Variants in MYO3A observed in about 807,000 individuals in gnomAD.
The protein encoded by MYO3A is myosin-IIIa.
Under a neutral mutation model 192.7 loss-of-function variants are expected in MYO3A, and 180 were observed. That is an observed-to-expected ratio of 0.93 (90% CI 0.83 to 1.06). The LOEUF is 1.06. Ranked by LOEUF, MYO3A falls within the 50% of genes least tolerant of loss-of-function variation. The pLI is 0.00. For synonymous variants in MYO3A, 628 were observed against 645.3 expected, an observed-to-expected ratio of 0.97 and a Z score of 0.41; for missense variants, 1,896 against 1,905.0, an observed-to-expected ratio of 1.00 and a Z score of 0.09.
At chr10:25,984,868 C>T (rs2130817332) in intron 4 of MYO3A, among the ~76,000 whole-genome samples, 1 of 152,280 alleles carries the variant, frequency 6.6e-6, no homozygotes, top group Non-Finnish European at 1.5e-5. Flanking sequence ...AATAGTGACA[C>T]AACCTATCAA....
At chr10:26,055,275 C>A (rs184779242) in intron 10 of MYO3A, among the ~76,000 whole-genome samples, 58 of 152,300 alleles carry the variant, frequency 3.8e-4, no homozygotes, top group African/African-American at 1.3e-3. Flanking sequence ...TATCCAGTTT[C>A]TGCTCCAGCA....
rs186228775 is a variant in MYO3A, at chr10:25,960,897, G to A, written c.303+5889G>A. On this transcript the variant is annotated intron_variant, in intron 4 of 34. Coordinates refer to ENST00000642920, the MANE Select transcript of MYO3A (RefSeq NM_017433.5). ...TTTTTTATTTCTCTAGTTTGAGATA[G>A]GTTTGTATTTTTAGCAAAATCACAT... 4.1e-3 allele frequency among the ~76,000 whole-genome samples: 621 copies of A among 152,166 alleles called. 5 individuals are homozygous for A. The highest frequency in any genetic ancestry group is 0.014 in the African/African-American group (585 of 41,526).
chr10:26,098,220 G>A (rs192795559), intron 17 of MYO3A, among the ~76,000 whole-genome samples: 85 of 152,286 alleles, frequency 5.6e-4, no homozygotes, highest in African/African-American at 1.9e-3. Flanking sequence ...GTCTTGAGAA[G>A]TGTCTGTTCA....
intron 31 of MYO3A, among the ~76,000 whole-genome samples, chr10:26,192,748 G>A (rs1478268883): frequency 6.7e-6 from 1 of 149,594 alleles, no homozygotes; most frequent in Non-Finnish European, 1.5e-5. Flanking sequence ...CTGCCTCCCA[G>A]GTTCAAGCAA....
chr10:25,992,851 A>G (rs1231038405), intron 4 of MYO3A, among the ~76,000 whole-genome samples: 1 of 152,192 alleles, frequency 6.6e-6, no homozygotes, highest in Non-Finnish European at 1.5e-5. Flanking sequence ...CATCCCAGGG[A>G]TGAAGCCCAC....
At chr10:26,089,515 G>T (rs1047561533) in intron 15 of MYO3A, among the ~76,000 whole-genome samples, 4 of 151,842 alleles carry the variant, frequency 2.6e-5, no homozygotes, top group Non-Finnish European at 4.4e-5. Context: ...GGAGGAGAAT[G>T]GCGTGAACCC....
At chr10:26,170,342 C>T in intron 28 of MYO3A, 74 bp from the exon 29 acceptor site, 1 of 1,528,718 alleles carries the variant, frequency 6.5e-7, no homozygotes, top group South Asian at 1.2e-5. Context: ...GTCAAAGCCA[C>T]CATTTCTACT....
At chr10:26,154,685 G>C (rs2131914837) in intron 24 of MYO3A, 61 bp from the exon 25 acceptor site, 1 of 1,472,408 alleles carries the variant, frequency 6.8e-7, no homozygotes, top group Non-Finnish European at 9.5e-7. Context: ...GCCACATGCT[G>C]TCTGTAGATA....
At chr10:26,035,693 GTAACTCAAGTA>G (rs1842993619) in intron 10 of MYO3A, among the ~76,000 whole-genome samples, 1 of 152,188 alleles carries the variant, frequency 6.6e-6, no homozygotes, top group Non-Finnish European at 1.5e-5. Flanking sequence ...CAACAAAGCT[GTAACTCAAGTA>G]TAATGATTTT....
intron 2 of MYO3A, among the ~76,000 whole-genome samples, chr10:25,945,002 C>T (rs1836747776): frequency 6.6e-6 from 1 of 151,724 alleles, no homozygotes; most frequent in Admixed American, 6.6e-5. Context: ...ATTTTTCTTC[C>T]TTTTTAAATT....
intron 17 of MYO3A, among the ~76,000 whole-genome samples, chr10:26,114,530 A>G (rs983695446): frequency 2.6e-5 from 4 of 152,220 alleles, no homozygotes; most frequent in African/African-American, 7.2e-5. Flanking sequence ...CATAAACTCT[A>G]ACCACTCACT....
intron 25 of MYO3A, among the ~76,000 whole-genome samples, chr10:26,156,906 T>C: frequency 6.6e-6 from 1 of 152,182 alleles, no homozygotes; most frequent in Admixed American, 6.5e-5. Flanking sequence ...TTACCATCTA[T>C]AAAGAGAGAG....
intron 2 of MYO3A, among the ~76,000 whole-genome samples, chr10:25,946,601 C>T (rs961587069): frequency 1.3e-5 from 2 of 151,316 alleles, no homozygotes; most frequent in Non-Finnish European, 2.9e-5. Context: ...CCTTGCAGGC[C>T]AGTTGTGGTG....
chr10:26,125,422 C>T lies in MYO3A; in HGVS notation c.1928C>T (p.Ala643Val). The T allele has an allele frequency of 6.2e-7, 1 of 1,614,014 alleles. No individual in the cohort carries two copies. Among genetic ancestry groups the T allele is most frequent in the South Asian group, 1.1e-5 (1 of 91,086 alleles). Residue 643 changes from alanine to valine, a missense_variant, in exon 19 of 35, where the codon GCA (alanine) becomes GTA (valine). Coordinates refer to ENST00000642920, the MANE Select transcript of MYO3A (RefSeq NM_017433.5). ...GGTGCTTCTTTGCTTTGCATTCGGG[C>T]AGATGAGCTACAAGAAGCTCTCACC... ...ENCASLLCIR[A>V]DELQEALTSH...
chr10:26,109,486 A>G (rs1754397365), intron 17 of MYO3A, among the ~76,000 whole-genome samples: 1 of 152,210 alleles, frequency 6.6e-6, no homozygotes, highest in South Asian at 2.1e-4. Flanking sequence ...TGTATAGGCT[A>G]CCTGCCCCTT....
chr10:26,152,747 G>C (rs1840868000), intron 23 of MYO3A, among the ~76,000 whole-genome samples: 1 of 152,180 alleles, frequency 6.6e-6, no homozygotes, highest in Non-Finnish European at 1.5e-5. Flanking sequence ...CTCTGCTGTA[G>C]TCAGTAAGTT....
chr10:26,192,398 C>T (rs1335993824), intron 31 of MYO3A, among the ~76,000 whole-genome samples: 3 of 152,126 alleles, frequency 2.0e-5, no homozygotes, highest in African/African-American at 7.2e-5. Flanking sequence ...GGGGCCATAA[C>T]ATATGAGGCA....
chr10:25,948,821 G>A (rs556561355), intron 2 of MYO3A, among the ~76,000 whole-genome samples: 1 of 152,146 alleles, frequency 6.6e-6, no homozygotes, highest in African/African-American at 2.4e-5. Flanking sequence ...TATGTGTTGG[G>A]AGTTTTGTTC....
chr10:26,141,714 T>G (rs576090144), intron 20 of MYO3A, among the ~76,000 whole-genome samples: 1 of 152,354 alleles, frequency 6.6e-6, no homozygotes, highest in Admixed American at 6.5e-5. Context: ...CAAGGTTACC[T>G]TCAAATACAA....
Sources: allele counts gnomAD v4.1 joint callset (sites outside exome capture counted in the v4.1 genomes callset), GRCh38; gene constraint gnomAD v4.1.1; transcripts MANE v1.5; gene names NCBI Gene and HGNC (gene_info 2026-07-23, HGNC 2026-07-21).